EGFR: variants seen among roughly 807,000 people sequenced by gnomAD.
EGFR encodes the protein avian erythroblastic leukemia viral (v-erb-b) oncogene homolog.
Under a neutral mutation model 143.0 loss-of-function variants are expected in EGFR, and 58 were observed. The ratio of observed to expected loss-of-function variants is 0.41; its 90% CI spans 0.33 to 0.50. The LOEUF is 0.50. Among genes scored for constraint, EGFR ranks in the 20% least tolerant of loss-of-function variants. The probability of loss-of-function intolerance (pLI) is 0.39; values close to 1 mark genes in which losing one functional copy is unlikely to be tolerated. For synonymous variants in EGFR, 613 were observed against 594.4 expected, an observed-to-expected ratio of 1.03 and a Z score of -0.45; for missense variants, 1,307 against 1,579.0, an observed-to-expected ratio of 0.83 and a Z score of 2.92.
rs767193132 is a variant in EGFR, at chr7:55,161,606, G to A, written c.1606G>A (p.Val536Met). 2.2e-5 allele frequency: 35 copies of A among 1,614,156 alleles called. No homozygotes were observed. The highest frequency in any genetic ancestry group is 6.6e-5 in the South Asian group (6 of 91,096). ...CRNVSRGRECVDKCNLLEGEP... is the reference protein window; with the variant it reads ...CRNVSRGRECMDKCNLLEGEP... ...GAATGTCAGCCGAGGCAGGGAATGC[G>A]TGGACAAGTGCAACCTTCTGGAGGG... The change falls in exon 13 of 28, where the codon GTG (valine) becomes ATG (methionine). Residue 536 changes from valine (V) to methionine (M), a missense_variant. Coordinates refer to ENST00000275493, the MANE Select transcript of EGFR (RefSeq NM_005228.5).
At chr7:55,151,950 A>G (rs993027074) in intron 5 of EGFR, among the ~76,000 whole-genome samples, 2 of 152,230 alleles carry the variant, frequency 1.3e-5, no homozygotes, top group Non-Finnish European at 2.9e-5. Context: ...AACACAGCAC[A>G]CTTTCCCAGG....
At chr7:55,166,869 GGTA>G (rs1290016601) in intron 15 of EGFR, among the ~76,000 whole-genome samples, 3 of 94,948 alleles carry the variant, frequency 3.2e-5, no homozygotes, top group Non-Finnish European at 4.5e-5. Flanking sequence ...TCACAATGGT[GGTA>G]GTGATGATGG....
intron 1 of EGFR, among the ~76,000 whole-genome samples, chr7:55,088,279 G>T (rs369924546): frequency 6.6e-6 from 1 of 152,162 alleles, no homozygotes; most frequent in African/African-American, 2.4e-5. Context: ...GATGGGGGAG[G>T]CCCCCTTCGC....
chr7:55,094,424 T>A (rs953995532), intron 1 of EGFR, among the ~76,000 whole-genome samples: 4 of 152,226 alleles, frequency 2.6e-5, no homozygotes, highest in African/African-American at 9.7e-5. Flanking sequence ...GACTGGCCTA[T>A]CCTGTCAGGA....
chr7:55,140,591 C>A (rs4947983), intron 1 of EGFR, among the ~76,000 whole-genome samples: 134,268 of 152,212 alleles, frequency 0.88, 59,465 homozygotes, highest in East Asian at 1. Flanking sequence ...CATGTGTAGC[C>A]GACAACCACA....
intron 1 of EGFR, among the ~76,000 whole-genome samples, chr7:55,089,527 C>T (rs549426216): frequency 2.0e-4 from 31 of 152,292 alleles, no homozygotes; most frequent in East Asian, 3.9e-4. Flanking sequence ...ATGTCTCATC[C>T]AAGAAATCCC....
chr7:55,023,174 A>G lies in EGFR; in HGVS notation c.88+3809A>G, dbSNP rs1440008122. 3.3e-5 allele frequency among the ~76,000 whole-genome samples: 5 copies of G among 152,274 alleles called. No individual in the cohort carries two copies. The East Asian group carries it at 9.7e-4, about 29-fold the overall frequency. On this transcript the variant is annotated intron_variant, in intron 1 of 27. Coordinates refer to ENST00000275493, the MANE Select transcript of EGFR (RefSeq NM_005228.5). ...CCTGCAACACAGTGTGGCCCTTGCC[A>G]TGTGACTTGTGTGTGTGCCTGTGTG...
chr7:55,117,582 A>G (rs1792941392), intron 1 of EGFR, among the ~76,000 whole-genome samples: 1 of 152,216 alleles, frequency 6.6e-6, no homozygotes, highest in Non-Finnish European at 1.5e-5. Context: ...TCCAGGGAAC[A>G]TGGCCCTTTA....
At chr7:55,038,138 A>C (rs1423085537) in intron 1 of EGFR, among the ~76,000 whole-genome samples, 1 of 152,202 alleles carries the variant, frequency 6.6e-6, no homozygotes. Context: ...GCCACAGTAC[A>C]TTCAGGTGGA....
chr7:55,030,626 T>A (rs1241051875), intron 1 of EGFR, among the ~76,000 whole-genome samples: 1 of 152,366 alleles, frequency 6.6e-6, no homozygotes, highest in South Asian at 2.1e-4. Flanking sequence ...GCAATGCCTA[T>A]GGCAAGCTGT....
Position 55,179,174 on chromosome 7 carries a change from G to C in EGFR, c.2284-2119G>C, listed in dbSNP as rs999316920. On this transcript the variant is annotated intron_variant, in intron 19 of 27. Transcript: ENST00000275493. ...TCTTTCCTCAAAAACTTGGTGGGGA[G>C]GGTATTTTTAAAATCACACAAATAT... Among the ~76,000 whole-genome samples the C allele has an allele frequency of 2.0e-5, 3 of 152,234 alleles. No homozygotes were observed. In the East Asian group the frequency reaches 5.8e-4, roughly 29 times the overall value.
In EGFR at chr7:55,173,011, A is replaced by T. The variant is rs2128952443; in HGVS notation, c.1948A>T (p.Met650Leu). The change falls in exon 17 of 28, where the codon ATG (methionine) becomes TTG (leucine). Residue 650 changes from methionine (M) to leucine (L), a missense_variant. Met to Leu is a conservative substitution (Grantham distance 15). Coordinates refer to ENST00000275493, the MANE Select transcript of EGFR (RefSeq NM_005228.5). ...GPKIPSIATG[M>L]VGALLLLLVV... The stretch of plus-strand genomic sequence containing the variant: ...TAAGATCCCGTCCATCGCCACTGGG[A>T]TGGTGGGGGCCCTCCTCTTGCTGCT... 1 of 1,613,972 alleles carries T rather than the reference A, an allele frequency of 6.2e-7. No homozygotes were observed. Among genetic ancestry groups the T allele is most frequent in the Non-Finnish European group, 8.5e-7 (1 of 1,179,990 alleles).
intron 21 of EGFR, 146 bp from the exon 22 acceptor site, chr7:55,192,617 GGGA>G: frequency 5.5e-6 from 4 of 731,128 alleles, no homozygotes; most frequent in South Asian, 3.0e-5. Flanking sequence ...CCCTGTTGCC[GGGA>G]GGAGGCGCCG....
At chr7:55,197,147 AATGTTTTTCC>A (rs1304049901) in intron 22 of EGFR, among the ~76,000 whole-genome samples, 2 of 152,176 alleles carry the variant, frequency 1.3e-5, no homozygotes, top group African/African-American at 4.8e-5. Context: ...ATGAGCATGG[AATGTTTTTCC>A]ATTTGTTTGT....
rs1785698517 is a variant in EGFR, at chr7:55,161,479, G to A, written c.1499-20G>A. 6.2e-7 allele frequency: 1 copy of A among 1,612,080 alleles called. No homozygotes were observed. Among genetic ancestry groups the A allele is most frequent in the Non-Finnish European group, 8.5e-7 (1 of 1,179,440 alleles). On this transcript the variant is annotated intron_variant, in intron 12 of 27. Coordinates refer to ENST00000275493, the MANE Select transcript of EGFR (RefSeq NM_005228.5). The stretch of plus-strand genomic sequence containing the variant: ...TCCCTGCTCTGTCACTGACTGCTGT[G>A]ACCCACTCTGTCTCCGCAGAGGCCA...
intron 15 of EGFR, 178 bp from the exon 16 acceptor site, chr7:55,170,993 GAACA>G: frequency 6.8e-7 from 1 of 1,461,386 alleles, no homozygotes; most frequent in Non-Finnish European, 9.0e-7. Context: ...CTGAGTGAAT[GAACA>G]AATGAATAAA....
chr7:55,176,789 A>G (rs972717503), intron 19 of EGFR, among the ~76,000 whole-genome samples: 3 of 148,058 alleles, frequency 2.0e-5, no homozygotes, highest in African/African-American at 7.4e-5. Flanking sequence ...TACTCTGTAT[A>G]TAGTTATTTA....
rs1583670889 is a variant in EGFR, at chr7:55,210,903, G to C, written c.*5286G>C. Reference sequence around the variant, plus strand: ...AGTGAAAGAAAACGCTGGCCTATCAGTTACATTACAAAAGGCAGATTTCAA... The same window carrying C: ...AGTGAAAGAAAACGCTGGCCTATCACTTACATTACAAAAGGCAGATTTCAA... On this transcript the variant is annotated 3_prime_UTR_variant, in exon 28 of 28. Transcript: ENST00000275493. 6.6e-6 allele frequency: 1 copy of C among 152,352 alleles called. No homozygotes were observed. The highest frequency in any genetic ancestry group is 1.5e-5 in the Non-Finnish European group (1 of 68,032). 9.4% of individuals were successfully genotyped at this position (152,352 alleles called of 1,614,324 possible).
chr7:55,102,028 C>T (rs1439297655), intron 1 of EGFR, among the ~76,000 whole-genome samples: 1 of 152,164 alleles, frequency 6.6e-6, no homozygotes, highest in Non-Finnish European at 1.5e-5. Context: ...CCCTCAGTTT[C>T]CATCAAACTT....
Sources: allele counts gnomAD v4.1 joint callset (sites outside exome capture counted in the v4.1 genomes callset), GRCh38; gene constraint gnomAD v4.1.1; transcripts MANE v1.5; gene names NCBI Gene and HGNC (gene_info 2026-07-23, HGNC 2026-07-21).